Variants in R3HCC1 observed in about 807,000 individuals in gnomAD.
The protein encoded by R3HCC1 is R3H and coiled-coil domain-containing protein 1.
Under a neutral mutation model 40.0 loss-of-function variants are expected in R3HCC1, and 32 were observed. The ratio of observed to expected loss-of-function variants is 0.80; its 90% CI spans 0.60 to 1.07. R3HCC1 has a LOEUF of 1.07. R3HCC1 is among the 50% of genes least tolerant of loss of function. The pLI, the probability that R3HCC1 is intolerant of heterozygous loss-of-function variation, is 0.00. For missense variants in R3HCC1, 586 were observed against 563.3 expected (o/e 1.04, Z -0.41); for synonymous variants, 237 against 232.8 (o/e 1.02, Z -0.17).
In R3HCC1 at chr8:23,294,780, C is replaced by T; in HGVS notation, c.1108C>T (p.Leu370=). 4 of 1,551,250 alleles carry T rather than the reference C, an allele frequency of 2.6e-6. 1 individual carries two copies. The highest frequency in any genetic ancestry group is 2.4e-5 in the South Asian group (2 of 84,048). ...CTTTCTTTCCACAGCTGCGGAAGCCCTGACCCGGGAGTTCTCGGTGCTCAA... is the reference window on the plus strand; with the variant it reads ...CTTTCTTTCCACAGCTGCGGAAGCCTTGACCCGGGAGTTCTCGGTGCTCAA... Residue 370 remains leucine, a synonymous_variant, in exon 7 of 8, where the codon CTG becomes TTG. Coordinates refer to ENST00000265806, the MANE Select transcript of R3HCC1 (RefSeq NM_001136108.3).
chr8:23,295,901 G>T, intron 7 of R3HCC1, 66 bp from the exon 8 acceptor site: 2 of 1,491,860 alleles, frequency 1.3e-6, no homozygotes, highest in South Asian at 2.6e-5. Context: ...TACGGCTGCT[G>T]TGTTGCTGGG....
intron 1 of R3HCC1, 70 bp from the exon 2 acceptor site, chr8:23,288,436 G>C (rs926889523): frequency 3.5e-5 from 53 of 1,518,354 alleles, no homozygotes; most frequent in Middle Eastern, 1.7e-4. Flanking sequence ...TTTCGGTGCC[G>C]GCGTTGCGGG....
intron 7 of R3HCC1, 113 bp from the exon 8 acceptor site, chr8:23,295,854 C>CACATGTGTCACATG: frequency 1.4e-6 from 2 of 1,386,288 alleles, no homozygotes; most frequent in Admixed American, 5.6e-5. Context: ...GCCGAGGCCC[C>CACATGTGTCACATG]ACATGTGTCA....
chr8:23,296,183 C>A lies in R3HCC1; in HGVS notation c.*86C>A. The A allele has an allele frequency of 7.1e-7, 1 of 1,415,534 alleles. No individual in the cohort carries two copies. Among genetic ancestry groups the A allele is most frequent in the Non-Finnish European group, 9.4e-7 (1 of 1,068,402 alleles). 87.7% of individuals were successfully genotyped at this position (1,415,534 alleles called of 1,614,324 possible). On this transcript the variant is annotated 3_prime_UTR_variant, in exon 8 of 8. Coordinates refer to ENST00000265806, the MANE Select transcript of R3HCC1 (RefSeq NM_001136108.3). Reference sequence around the variant, plus strand: ...TAAGCCTTCACAGACGCCAGAGCAGCCCCGCACCACCCTCGAGCTTCACCA... The same window carrying A: ...TAAGCCTTCACAGACGCCAGAGCAGACCCGCACCACCCTCGAGCTTCACCA...
chr8:23,289,070 A>G lies in R3HCC1; in HGVS notation c.165A>G (p.Thr55=), dbSNP rs1213463421. The change falls in exon 3 of 8, where the codon ACA becomes ACG. Residue 55 remains threonine (T), a synonymous_variant. Coordinates refer to ENST00000265806, the MANE Select transcript of R3HCC1 (RefSeq NM_001136108.3). Reference sequence around the variant, plus strand: ...GCCTCCGGTACCTGATCCATAGAACAGCAGAGAATTTTGATCTCTTGAGCA... The same window carrying G: ...GCCTCCGGTACCTGATCCATAGAACGGCAGAGAATTTTGATCTCTTGAGCA... 6 of 1,536,516 alleles carry G rather than the reference A, an allele frequency of 3.9e-6. No homozygotes were observed. The South Asian group carries it at 5.9e-5, about 15-fold the overall frequency.
intron 7 of R3HCC1, chr8:23,295,432 C>T (rs910329054): frequency 4.8e-5 from 22 of 456,542 alleles, no homozygotes; most frequent in East Asian, 2.1e-4. Context: ...ACCGTTATAG[C>T]GCCTCCTTTT....
Position 23,290,480 on chromosome 8 carries a change from TCTTGAGCCCG to T in R3HCC1, c.852+12_852+21del. On this transcript the variant is annotated intron_variant, in intron 4 of 7. Coordinates refer to ENST00000265806, the MANE Select transcript of R3HCC1 (RefSeq NM_001136108.3). ...GAGCTGCTGCAGGAGGTGATGAGGCTCTTGAGCCCGAAAAGGGAGGGCGGAGGTGAGGTGG... is the reference window on the plus strand; with the variant it reads ...GAGCTGCTGCAGGAGGTGATGAGGCTAAAAGGGAGGGCGGAGGTGAGGTGG... The T allele has an allele frequency of 6.5e-7, 1 of 1,541,962 alleles. No individual in the cohort carries two copies. The highest frequency in any genetic ancestry group is 8.8e-7 in the Non-Finnish European group (1 of 1,142,156).
At chr8:23,288,710 C>CTGGTGG (rs1802793842) in intron 2 of R3HCC1, 77 bp downstream of exon 2, 4 of 1,501,084 alleles carry the variant, frequency 2.7e-6, no homozygotes, top group Non-Finnish European at 3.6e-6. Context: ...TGCCCTCCCC[C>CTGGTGG]AGGTGGTGCC....
rs1802792362 is a variant in R3HCC1, at chr8:23,288,643, T to A, written c.110+10T>A. The A allele has an allele frequency of 6.5e-7, 1 of 1,535,452 alleles. No individual in the cohort carries two copies. The highest frequency in any genetic ancestry group is 1.4e-5 in the African/African-American group (1 of 73,144). Reference sequence around the variant, plus strand: ...AGAAGCAGCTGTCAAAGTAGGCTCATGTGAGGGGCGAGGGTGCCGCCTTGC... The same window carrying A: ...AGAAGCAGCTGTCAAAGTAGGCTCAAGTGAGGGGCGAGGGTGCCGCCTTGC... On this transcript the variant is annotated intron_variant, in intron 2 of 7. Coordinates refer to ENST00000265806, the MANE Select transcript of R3HCC1 (RefSeq NM_001136108.3).
chr8:23,295,398 A>G, intron 7 of R3HCC1: 1 of 450,766 alleles, frequency 2.2e-6, no homozygotes, highest in Non-Finnish European at 4.5e-6. Flanking sequence ...TGGAGCCCTG[A>G]GGGCACATAG....
Position 23,295,964 on chromosome 8 carries a change from T to C in R3HCC1, c.1193-3T>C, listed in dbSNP as rs746237850. 1 of 1,548,404 alleles carries C rather than the reference T, an allele frequency of 6.5e-7. No homozygotes were observed. The highest frequency in any genetic ancestry group is 8.7e-7 in the Non-Finnish European group (1 of 1,145,606). On this transcript the variant is annotated splice_region_variant and splice_polypyrimidine_tract_variant and intron_variant, in intron 7 of 7. Transcript: ENST00000265806. ...GGTCCCCACTGTGGGGCTTTCCTTC[T>C]AGAACTCCTGCGTCTGGTGAAGGAG...
At chr8:23,295,451 A>G in intron 7 of R3HCC1, 1 of 456,992 alleles carries the variant, frequency 2.2e-6, no homozygotes, top group Admixed American at 2.3e-5. Flanking sequence ...TTCCCCTTCT[A>G]CTTCCAGAAA....
At chr8:23,293,706 C>T (rs1802923657) in intron 6 of R3HCC1, among the ~76,000 whole-genome samples, 1 of 152,172 alleles carries the variant, frequency 6.6e-6, no homozygotes, top group Non-Finnish European at 1.5e-5. Flanking sequence ...CTTTAACGGC[C>T]AAAAGCATTT....
At chr8:23,295,069 G>T (rs1248162557) in intron 7 of R3HCC1, among the ~76,000 whole-genome samples, 2 of 152,150 alleles carry the variant, frequency 1.3e-5, no homozygotes, top group Admixed American at 1.3e-4. Context: ...GGCCTAGGGG[G>T]GGTCTGGGGC....
chr8:23,288,751 C>G, intron 2 of R3HCC1, 118 bp downstream of exon 2: 1 of 1,256,332 alleles, frequency 8.0e-7, no homozygotes, highest in Middle Eastern at 2.4e-4. Context: ...GGCCTTTAGT[C>G]TTTATAACGC....
intron 4 of R3HCC1, 54 bp downstream of exon 4, chr8:23,290,523 C>A: frequency 6.7e-7 from 1 of 1,502,148 alleles, no homozygotes; most frequent in South Asian, 1.3e-5. Context: ...TGGGTGTGGC[C>A]GTGGGTGGAT....
At chr8:23,294,128 A>AG (rs1394793165) in intron 6 of R3HCC1, among the ~76,000 whole-genome samples, 1 of 152,142 alleles carries the variant, frequency 6.6e-6, no homozygotes, top group Non-Finnish European at 1.5e-5. Flanking sequence ...GGAACAGGGC[A>AG]GGGTGGGGTC....
At position 23,294,673 on chromosome 8, in the gene R3HCC1, T is replaced by C. The variant is rs1802950219; in HGVS notation, c.1097-96T>C. 14 of 918,862 alleles carry C rather than the reference T, an allele frequency of 1.5e-5. No homozygotes were observed. The South Asian group carries it at 1.8e-4, about 12-fold the overall frequency. The allele number at this position is 918,862 out of a possible 1,614,324, so 56.9% of individuals were successfully genotyped here. A position where few individuals can be genotyped will look rare whatever the true frequency, so the allele number is the denominator to read the frequency against. On this transcript the variant is annotated intron_variant, in intron 6 of 7. Transcript: ENST00000265806. ...GAGCAGCCCTGCCCTGAGCTTTGAA[T>C]AGGTGCACAACACGGCTGCAGGGGT...
At chr8:23,294,691 G>A (rs944485684) in intron 6 of R3HCC1, 78 bp from the exon 7 acceptor site, 7 of 1,082,082 alleles carry the variant, frequency 6.5e-6, no homozygotes, top group Non-Finnish European at 8.3e-6. Flanking sequence ...CAACACGGCT[G>A]CAGGGGTTCG....
Sources: allele counts gnomAD v4.1 joint callset (sites outside exome capture counted in the v4.1 genomes callset), GRCh38; gene constraint gnomAD v4.1.1; transcripts MANE v1.5; gene names NCBI Gene and HGNC (gene_info 2026-07-23, HGNC 2026-07-21).